SLC35G1: variants seen among roughly 807,000 people sequenced by gnomAD.
The protein encoded by SLC35G1 is partner of STIM1.
A neutral mutation model predicts 17.1 loss-of-function variants in SLC35G1; 10 were observed. The ratio of observed to expected loss-of-function variants is 0.59; its 90% CI spans 0.36 to 0.99. The LOEUF is 0.99. Among genes scored for constraint, SLC35G1 ranks in the 50% least tolerant of loss-of-function variants. SLC35G1 has a pLI of 0.01. For missense variants in SLC35G1, 433 were observed against 468.4 expected (o/e 0.92, Z 0.70); for synonymous variants, 185 against 181.1 (o/e 1.02, Z -0.18).
At chr10:93,897,397 A>C (rs1044455521) in intron 1 of SLC35G1, among the ~76,000 whole-genome samples, 5 of 152,234 alleles carry the variant, frequency 3.3e-5, no homozygotes, top group African/African-American at 7.2e-5. Flanking sequence ...CACATTATAA[A>C]GTCCTAGATT....
intron 2 of SLC35G1, among the ~76,000 whole-genome samples, chr10:93,899,999 T>C (rs1426517368): frequency 6.6e-6 from 1 of 152,152 alleles, no homozygotes; most frequent in Non-Finnish European, 1.5e-5. Context: ...GTAGCCTAGA[T>C]GATAATCTAA....
At position 93,901,360 on chromosome 10, in the gene SLC35G1, T is replaced by C; in HGVS notation, c.968T>C (p.Val323Ala). 1 of 1,614,020 alleles carries C rather than the reference T, an allele frequency of 6.2e-7. No individual in the cohort carries two copies. The highest frequency in any genetic ancestry group is 1.1e-5 in the South Asian group (1 of 91,080). Residue 323 changes from valine to alanine, a missense_variant, in exon 3 of 3, where the codon GTC becomes GCC. Coordinates refer to ENST00000427197, the MANE Select transcript of SLC35G1 (RefSeq NM_001134658.3). ...GCAATAATGAAGACAATGGATGTGG[T>C]CTTTGCTTTTATCTTTCAGATTATT... ...PVAIMKTMDV[V>A]FAFIFQIIFF...
rs894582558 is a variant in SLC35G1, at chr10:93,894,187, C to A, written c.154C>A (p.Pro52Thr). 1.4e-6 allele frequency: 2 copies of A among 1,437,562 alleles called. No individual in the cohort carries two copies. Among genetic ancestry groups the A allele is most frequent in the Non-Finnish European group, 1.8e-6 (2 of 1,100,880 alleles). The allele number at this position is 1,437,562 out of a possible 1,614,324, so 89.1% of individuals were successfully genotyped here. A position where few individuals can be genotyped will look rare whatever the true frequency, so the allele number is the denominator to read the frequency against. ...RGRCWLCLSSPCCSRTEPEAK... is the reference protein window; with the variant it reads ...RGRCWLCLSSTCCSRTEPEAK... ...TAGGTGCTGGCTCTGCCTTTCCTCG[C>A]CGTGTTGCTCCCGCACCGAGCCGGG... Residue 52 changes from proline to threonine, a missense_variant, in exon 1 of 3, where the codon CCG (proline) becomes ACG (threonine). Transcript: ENST00000427197.
chr10:93,900,914 T>C lies in SLC35G1; in HGVS notation c.522T>C (p.Ala174=), dbSNP rs765096209. ...GTCCAGTGTTTACGTCCATATTTGC[T>C]TGGATATGTCTCAAGGAAAAATATA... ...FSSPVFTSIF[A]WICLKEKYSP... is the part of the protein sequence containing the mutation. The change falls in exon 3 of 3, where the codon GCT becomes GCC. Residue 174 remains alanine (A), a synonymous_variant. Transcript: ENST00000427197. 1.9e-6 allele frequency: 3 copies of C among 1,614,082 alleles called. No individual in the cohort carries two copies. Among genetic ancestry groups the C allele is most frequent in the Non-Finnish European group, 2.5e-6 (3 of 1,179,974 alleles).
At chr10:93,894,708 C>A (rs1443322756) in intron 1 of SLC35G1, among the ~76,000 whole-genome samples, 1 of 152,094 alleles carries the variant, frequency 6.6e-6, no homozygotes, top group African/African-American at 2.4e-5. Context: ...ATAAGTGGGA[C>A]CGCTAGTTTT....
At position 93,900,965 on chromosome 10, in the gene SLC35G1, G is replaced by A. The variant is rs1415819201; in HGVS notation, c.573G>A (p.Val191=). ...KYSPWDALFT[V]FTITGVILIV... ...GCCCTTGGGATGCTCTTTTCACCGTGTTCACAATCACTGGAGTGATCCTTA... is the reference window on the plus strand; with the variant it reads ...GCCCTTGGGATGCTCTTTTCACCGTATTCACAATCACTGGAGTGATCCTTA... Residue 191 remains valine, a synonymous_variant, in exon 3 of 3, where the codon GTG becomes GTA. Coordinates refer to ENST00000427197, the MANE Select transcript of SLC35G1 (RefSeq NM_001134658.3). The A allele has an allele frequency of 1.2e-6, 2 of 1,613,908 alleles. No homozygotes were observed. Among genetic ancestry groups the A allele is most frequent in the Non-Finnish European group, 1.7e-6 (2 of 1,179,994 alleles).
chr10:93,897,163 T>C (rs1233419357), intron 1 of SLC35G1, among the ~76,000 whole-genome samples: 1 of 152,194 alleles, frequency 6.6e-6, no homozygotes, highest in East Asian at 1.9e-4. Flanking sequence ...TCCAAAGCAG[T>C]ATCTTCAGCT....
At chr10:93,906,255 C>T (rs1029585801), downstream of SLC35G1, 1 of 152,256 alleles carries the variant, frequency 6.6e-6, no homozygotes, top group Non-Finnish European at 1.5e-5. Context: ...AAATCAGCCA[C>T]ATTGCTGTGA....
chr10:93,904,287 C>T (rs570841180), downstream of SLC35G1, among the ~76,000 whole-genome samples: 1 of 152,320 alleles, frequency 6.6e-6, no homozygotes, highest in African/African-American at 2.4e-5. Flanking sequence ...CTTTCTTCCA[C>T]TCTGATTCCT....
At position 93,898,750 on chromosome 10, in the gene SLC35G1, A is replaced by G. The variant is rs1564591444; in HGVS notation, c.358A>G (p.Lys120Glu). ...LVVIPCLIYR[K>E]TGFIGPKGQR... ...TGTTATCCCTTGCTTAATATACAGA[A>G]AGTAAGTATTTTTTAACTGCAAAGT... Residue 120 changes from lysine (K) to glutamate (E), a missense_variant and splice_region_variant, in exon 2 of 3, where the codon AAA becomes GAA. Lys to Glu is a moderately conservative substitution (Grantham distance 56). Transcript: ENST00000427197. 6.3e-7 allele frequency: 1 copy of G among 1,593,940 alleles called. No individual in the cohort carries two copies. The highest frequency in any genetic ancestry group is 8.5e-7 in the Non-Finnish European group (1 of 1,174,224).
At position 93,900,771 on chromosome 10, in the gene SLC35G1, A is replaced by G. The variant is rs1422550315; in HGVS notation, c.379A>G (p.Lys127Glu). 6.2e-7 allele frequency: 1 copy of G among 1,605,560 alleles called. No individual in the cohort carries two copies. The highest frequency in any genetic ancestry group is 2.2e-5 in the East Asian group (1 of 44,698). The change falls in exon 3 of 3, where the codon AAA (lysine) becomes GAA (glutamate). Residue 127 changes from lysine to glutamate, a missense_variant. Lys to Glu is a moderately conservative substitution (Grantham distance 56). Coordinates refer to ENST00000427197, the MANE Select transcript of SLC35G1 (RefSeq NM_001134658.3). Reference sequence around the variant, plus strand: ...TTACAGAACTGGGTTTATAGGCCCAAAAGGTCAACGAATTTTCCTCATTCT... The same window carrying G: ...TTACAGAACTGGGTTTATAGGCCCAGAAGGTCAACGAATTTTCCTCATTCT... The part of the protein sequence containing the change: ...IYRKTGFIGP[K>E]GQRIFLILRG...
chr10:93,899,958 G>A (rs1410291208), intron 2 of SLC35G1, among the ~76,000 whole-genome samples: 3 of 152,276 alleles, frequency 2.0e-5, no homozygotes, highest in South Asian at 2.1e-4. Flanking sequence ...AAATGTGACC[G>A]TGCTTTCATT....
At position 93,902,033 on chromosome 10, in the gene SLC35G1, G is replaced by T. The variant is rs1332863110; in HGVS notation, c.*543G>T. ...GCTTAGAATAGGTGCCTGCTTAATGGTGTTAATAATACAAATGAATTGGCC... is the reference window on the plus strand; with the variant it reads ...GCTTAGAATAGGTGCCTGCTTAATGTTGTTAATAATACAAATGAATTGGCC... On this transcript the variant is annotated 3_prime_UTR_variant, in exon 3 of 3. Transcript: ENST00000427197. 1.3e-5 allele frequency: 2 copies of T among 152,522 alleles called. No homozygotes were observed. Among genetic ancestry groups the T allele is most frequent in the African/African-American group, 4.8e-5 (2 of 41,416 alleles). 9.4% of individuals were successfully genotyped at this position (152,522 alleles called of 1,614,324 possible). A position where few individuals can be genotyped will look rare whatever the true frequency, so the allele number is the denominator to read the frequency against.
downstream of SLC35G1, chr10:93,908,091 G>C (rs914298312): frequency 5.3e-5 from 8 of 152,150 alleles, no homozygotes; most frequent in African/African-American, 1.9e-4. Context: ...AGATGAAACT[G>C]AAGTTCACCT....
intron 1 of SLC35G1, among the ~76,000 whole-genome samples, chr10:93,894,761 A>G (rs1277852094): frequency 6.6e-6 from 1 of 152,210 alleles, no homozygotes; most frequent in African/African-American, 2.4e-5. Flanking sequence ...ACGATGCAGA[A>G]CAAGGCATAT....
intron 1 of SLC35G1, among the ~76,000 whole-genome samples, chr10:93,897,205 G>A (rs952540834): frequency 1.3e-5 from 2 of 152,146 alleles, no homozygotes; most frequent in Non-Finnish European, 2.9e-5. Context: ...GTAGAGAAGG[G>A]TGCCTTTGAC....
At position 93,894,049 on chromosome 10, in the gene SLC35G1, A is replaced by G. The variant is rs2060302637; in HGVS notation, c.16A>G (p.Ser6Gly). The change falls in exon 1 of 3, where the codon AGC becomes GGC. Residue 6 changes from serine (S) to glycine (G), a missense_variant. Physicochemically the swap from Ser to Gly is moderately conservative, Grantham distance 56 (BLOSUM62 0). Coordinates refer to ENST00000427197, the MANE Select transcript of SLC35G1 (RefSeq NM_001134658.3). MRPQD[S>G]TGVAELQEPG... ...GTGCCGCGAGATGCGGCCTCAGGAC[A>G]GCACCGGGGTCGCGGAGCTCCAGGA... is the stretch of plus-strand genomic sequence containing the variant. 1 of 1,477,780 alleles carries G rather than the reference A, an allele frequency of 6.8e-7. No homozygotes were observed. The highest frequency in any genetic ancestry group is 8.9e-7 in the Non-Finnish European group (1 of 1,122,626). The allele number at this position is 1,477,780 out of a possible 1,614,324, so 91.5% of individuals were successfully genotyped here. A position where few individuals can be genotyped will look rare whatever the true frequency, so the allele number is the denominator to read the frequency against.
chr10:93,896,858 G>GTT (rs1205224354), intron 1 of SLC35G1, among the ~76,000 whole-genome samples: 1 of 152,144 alleles, frequency 6.6e-6, no homozygotes, highest in Non-Finnish European at 1.5e-5. Flanking sequence ...GCAGGGAGAT[G>GTT]TTTTCTGTCC....
intron 2 of SLC35G1, among the ~76,000 whole-genome samples, chr10:93,900,165 T>C (rs2060369348): frequency 6.6e-6 from 1 of 152,216 alleles, no homozygotes; most frequent in Admixed American, 6.5e-5. Flanking sequence ...TTTGACTCTT[T>C]CCTCATGAGA....
Sources: gnomAD v4.1 joint callset for allele counts (sites outside exome capture counted in the v4.1 genomes callset) on GRCh38, gnomAD v4.1.1 for gene constraint, MANE v1.5 for transcripts, NCBI Gene and HGNC (gene_info 2026-07-23, HGNC 2026-07-21) for gene names.